The following LRFN2 variants were observed in gnomAD, a reference collection of about 807,000 sequenced individuals.
LRFN2 encodes the protein leucine rich repeat and fibronectin type III domain containing 2, also known as leucine-rich repeat and fibronectin type-III domain-containing protein 2.
A neutral mutation model predicts 37.3 loss-of-function variants in LRFN2; 18 were observed. The ratio of observed to expected loss-of-function variants is 0.48; its 90% CI spans 0.33 to 0.72. The LOEUF is 0.72. Among genes scored for constraint, LRFN2 ranks in the 30% least tolerant of loss-of-function variants. The pLI is 0.02. For missense variants in LRFN2, 1,006 were observed against 1,060.7 expected (o/e 0.95, Z 0.72); for synonymous variants, 556 against 466.6 (o/e 1.19, Z -2.47).
At chr6:40,582,508 T>C (rs1373868837) in intron 1 of LRFN2, among the ~76,000 whole-genome samples, 2 of 152,054 alleles carry the variant, frequency 1.3e-5, no homozygotes, top group Non-Finnish European at 2.9e-5. Context: ...TTAACACCTA[T>C]ATCTTGTCTC....
In LRFN2 at chr6:40,432,920, A is replaced by T. The variant is rs1561853040; in HGVS notation, c.194T>A (p.Ile65Asn). The T allele has an allele frequency of 4.3e-6, 7 of 1,614,106 alleles. No individual in the cohort carries two copies. In the Admixed American group the frequency reaches 5.0e-5, roughly 12 times the overall value. Reference protein sequence around the residue: ...VELRLGGNFIIHISRQDFANM... With the variant: ...VELRLGGNFINHISRQDFANM... ...GGCAAAGTCCTGGCGGCTGATGTGG[A>T]TGATGAAGTTGCCGCCCAGGCGCAG... Residue 65 changes from isoleucine to asparagine, a missense_variant, in exon 2 of 3, where the codon ATC becomes AAC. By Grantham distance (149) the Ile-to-Asn change is moderately radical (BLOSUM62 -3). Around this residue, in one of 4 missense-constraint regions of LRFN2, gnomAD observed 185 missense variants for 254.9 expected, o/e 0.73. Coordinates refer to ENST00000338305, the MANE Select transcript of LRFN2 (RefSeq NM_020737.3).
In LRFN2 at chr6:40,498,588, C is replaced by T. The variant is rs73432645; in HGVS notation, c.-18-65457G>A. Among the ~76,000 whole-genome samples, 1,107 of 152,278 alleles carry T rather than the reference C, an allele frequency of 7.3e-3. 18 individuals carry two copies. The highest frequency in any genetic ancestry group is 0.025 in the African/African-American group (1,019 of 41,546). ...CTGAAAGTTCAGGCACCAAGATATC[C>T]AAGGACACTCGTTCTCACACATATG... On this transcript the variant is annotated intron_variant, in intron 1 of 2. Transcript: ENST00000338305.
At chr6:40,534,619 A>T (rs2113911716) in intron 1 of LRFN2, among the ~76,000 whole-genome samples, 2 of 152,304 alleles carry the variant, frequency 1.3e-5, no homozygotes, top group South Asian at 4.1e-4. Context: ...TAAAGATTTT[A>T]TGAGACTTGG....
chr6:40,422,941 T>C (rs1382194021), intron 2 of LRFN2, among the ~76,000 whole-genome samples: 2 of 152,222 alleles, frequency 1.3e-5, no homozygotes, highest in Non-Finnish European at 2.9e-5. Flanking sequence ...TTTGGAGCTC[T>C]CTCCAGCCAC....
intron 1 of LRFN2, among the ~76,000 whole-genome samples, chr6:40,479,510 A>G (rs1268972709): frequency 2.0e-5 from 3 of 152,226 alleles, no homozygotes; most frequent in East Asian, 3.9e-4. Flanking sequence ...GTTACCACTA[A>G]GTAACTTTCT....
chr6:40,446,092 C>T lies in LRFN2; in HGVS notation c.-18-12961G>A, dbSNP rs1007642541. On this transcript the variant is annotated intron_variant, in intron 1 of 2. Transcript: ENST00000338305. The stretch of plus-strand genomic sequence containing the variant: ...TGAAATGTAAAACATGTTCATAGAA[C>T]TCAGCACCTCCTGGGGACCTCACCA... Among the ~76,000 whole-genome samples the T allele has an allele frequency of 3.3e-5, 5 of 152,176 alleles. No homozygotes were observed. The East Asian group carries it at 9.6e-4, about 29-fold the overall frequency.
At chr6:40,478,004 A>G (rs982013620) in intron 1 of LRFN2, among the ~76,000 whole-genome samples, 4 of 152,210 alleles carry the variant, frequency 2.6e-5, no homozygotes, top group Admixed American at 2.0e-4. Context: ...CCGTGTCATA[A>G]TTAAAGAGAC....
rs1473543242 is a variant in LRFN2 at position 40,544,883 on chromosome 6, GAGA to G, written c.-19+42055_-19+42057del. Among the ~76,000 whole-genome samples, 8 of 152,196 alleles carry G rather than the reference GAGA, an allele frequency of 5.3e-5. No homozygotes were observed. The South Asian group carries it at 8.3e-4, about 16-fold the overall frequency. On this transcript the variant is annotated intron_variant, in intron 1 of 2. Transcript: ENST00000338305. Reference sequence around the variant, plus strand: ...GACCCTAAACCTGCATCTTTATAATGAGAAGGAGAGAGCAAATGCGCAGCTGTG... The same window carrying G: ...GACCCTAAACCTGCATCTTTATAATGAGGAGAGAGCAAATGCGCAGCTGTG...
chr6:40,525,952 G>T (rs1766242742), intron 1 of LRFN2, among the ~76,000 whole-genome samples: 3 of 152,132 alleles, frequency 2.0e-5, no homozygotes, highest in Non-Finnish European at 4.4e-5. Context: ...ACCATCTTTA[G>T]CAAATACACA....
intron 1 of LRFN2, among the ~76,000 whole-genome samples, chr6:40,518,636 T>C (rs1765956012): frequency 6.6e-6 from 1 of 152,198 alleles, no homozygotes; most frequent in African/African-American, 2.4e-5. Flanking sequence ...TGTCCTTACA[T>C]TGATGGCTCC....
intron 2 of LRFN2, among the ~76,000 whole-genome samples, chr6:40,414,738 G>GC (rs544015447): frequency 3.4e-4 from 52 of 152,248 alleles, no homozygotes; most frequent in Admixed American, 1.4e-3. Context: ...GAGAAGCTTG[G>GC]CCCCCCCAGG....
chr6:40,515,797 G>A (rs2113892724), intron 1 of LRFN2, among the ~76,000 whole-genome samples: 1 of 151,604 alleles, frequency 6.6e-6, no homozygotes, highest in African/African-American at 2.4e-5. Context: ...GGAGGCTGAG[G>A]CAGGGAAATT....
At chr6:40,558,640 G>T (rs998228061) in intron 1 of LRFN2, among the ~76,000 whole-genome samples, 31 of 152,246 alleles carry the variant, frequency 2.0e-4, no homozygotes, top group African/African-American at 7.2e-4. Flanking sequence ...GGAAGGCGAG[G>T]GCTAGACTGA....
intron 1 of LRFN2, among the ~76,000 whole-genome samples, chr6:40,476,054 C>T (rs979333824): frequency 6.6e-6 from 1 of 152,204 alleles, no homozygotes; most frequent in Non-Finnish European, 1.5e-5. Flanking sequence ...TAGATTGTGT[C>T]TGATGGGCCC....
At chr6:40,582,943 G>A (rs1767431298) in intron 1 of LRFN2, among the ~76,000 whole-genome samples, 1 of 152,082 alleles carries the variant, frequency 6.6e-6, no homozygotes, top group Non-Finnish European at 1.5e-5. Flanking sequence ...TGCTGATGCT[G>A]GTCCACAGAC....
chr6:40,531,143 A>G (rs961164715), intron 1 of LRFN2, among the ~76,000 whole-genome samples: 1 of 152,206 alleles, frequency 6.6e-6, no homozygotes, highest in African/African-American at 2.4e-5. Context: ...GAACTGGGCA[A>G]CTGCTTTTCT....
At chr6:40,519,216 T>C (rs1408462464) in intron 1 of LRFN2, among the ~76,000 whole-genome samples, 1 of 152,216 alleles carries the variant, frequency 6.6e-6, no homozygotes, top group African/African-American at 2.4e-5. Flanking sequence ...CAATATGTGC[T>C]GAGGGAGTGA....
Position 40,498,599 on chromosome 6 carries a change from G to A in LRFN2, c.-18-65468C>T, listed in dbSNP as rs112879438. ...GGCACCAAGATATCCAAGGACACTCGTTCTCACACATATGATCTCATGTGC... is the reference window on the plus strand; with the variant it reads ...GGCACCAAGATATCCAAGGACACTCATTCTCACACATATGATCTCATGTGC... On this transcript the variant is annotated intron_variant, in intron 1 of 2. Coordinates refer to ENST00000338305, the MANE Select transcript of LRFN2 (RefSeq NM_020737.3). Among the ~76,000 whole-genome samples the A allele has an allele frequency of 9.8e-3, 1,498 of 152,212 alleles. 25 individuals are homozygous for A. Among genetic ancestry groups the A allele is most frequent in the African/African-American group, 0.034 (1,408 of 41,518 alleles).
At chr6:40,393,484 A>G (rs912054742) in intron 2 of LRFN2, among the ~76,000 whole-genome samples, 3 of 151,978 alleles carry the variant, frequency 2.0e-5, no homozygotes, top group African/African-American at 7.3e-5. Flanking sequence ...GTGGAGGGAA[A>G]GAGGAGTGGG....
Sources: allele counts gnomAD v4.1 joint callset (sites outside exome capture counted in the v4.1 genomes callset), GRCh38; gene constraint gnomAD v4.1.1; regional missense constraint gnomAD v4.1.1; transcripts MANE v1.5; gene names NCBI Gene and HGNC (gene_info 2026-07-23, HGNC 2026-07-21).